Variants in METTL8 observed in about 807,000 individuals in gnomAD.
METTL8 encodes the protein tRNA N(3)-cytidine methyltransferase METTL8, mitochondrial.
METTL8 carries 32 observed loss-of-function variants against 48.7 expected under a neutral mutation model. The ratio of observed to expected loss-of-function variants is 0.66; its 90% CI spans 0.50 to 0.88. METTL8 has a LOEUF of 0.88. METTL8 is among the 40% of genes least tolerant of loss of function. The probability of loss-of-function intolerance (pLI) is 0.00; values close to 1 mark genes in which losing one functional copy is unlikely to be tolerated. For synonymous variants in METTL8, 136 were observed against 157.1 expected, an observed-to-expected ratio of 0.87 and a Z score of 1.01; for missense variants, 464 against 474.4, an observed-to-expected ratio of 0.98 and a Z score of 0.20.
At chr2:171,380,669 T>C (rs1442263099) in intron 2 of METTL8, among the ~76,000 whole-genome samples, 2 of 151,828 alleles carry the variant, frequency 1.3e-5, no homozygotes, top group East Asian at 1.9e-4. Flanking sequence ...GAAAATAAAA[T>C]ACATAGGAAT....
At position 171,317,669 on chromosome 2, in the gene METTL8, G is replaced by A. The variant is rs550120599; in HGVS notation, c.*6503C>T. The A allele has an allele frequency of 6.6e-6, 1 of 152,324 alleles. No homozygotes were observed. The highest frequency in any genetic ancestry group is 2.1e-4 in the South Asian group (1 of 4,830). 9.4% of individuals were successfully genotyped at this position (152,324 alleles called of 1,614,324 possible). Reference sequence around the variant, plus strand: ...CTAGCTGTTCCTTACTTAAGGTTAAGTGGTTGTGAAACCACAGACACTGTA... The same window carrying A: ...CTAGCTGTTCCTTACTTAAGGTTAAATGGTTGTGAAACCACAGACACTGTA... On this transcript the variant is annotated 3_prime_UTR_variant, in exon 10 of 10. Transcript: ENST00000375258.
chr2:171,366,880 C>A (rs1353378065), intron 2 of METTL8, among the ~76,000 whole-genome samples: 1 of 145,638 alleles, frequency 6.9e-6, no homozygotes, highest in African/African-American at 2.5e-5. Context: ...CAGAGTGAGA[C>A]CCTGTCTCAA....
At chr2:171,425,201 C>G (rs902441438) in intron 1 of METTL8, among the ~76,000 whole-genome samples, 5 of 152,320 alleles carry the variant, frequency 3.3e-5, no homozygotes, top group Non-Finnish European at 7.4e-5. Flanking sequence ...TTATAAATTA[C>G]CCAGTCTCAG....
At chr2:171,373,228 T>C (rs896534323) in intron 2 of METTL8, among the ~76,000 whole-genome samples, 12 of 152,380 alleles carry the variant, frequency 7.9e-5, no homozygotes, top group African/African-American at 2.6e-4. Context: ...ATTTCTCTGA[T>C]GGCCAGTGAT....
intron 1 of METTL8, among the ~76,000 whole-genome samples, chr2:171,404,890 G>A (rs1417120796): frequency 6.6e-6 from 1 of 152,098 alleles, no homozygotes; most frequent in Non-Finnish European, 1.5e-5. Flanking sequence ...GATCATGACA[G>A]CTAAAGAAAA....
At chr2:171,415,749 CATGAGT>C (rs1691253222) in intron 1 of METTL8, among the ~76,000 whole-genome samples, 1 of 152,126 alleles carries the variant, frequency 6.6e-6, no homozygotes, top group South Asian at 2.1e-4. Context: ...ATATAATACT[CATGAGT>C]AGAGGATCCA....
intron 1 of METTL8, 93 bp downstream of exon 1, chr2:171,433,790 G>A (rs2105700734): frequency 6.6e-6 from 1 of 152,520 alleles, no homozygotes; most frequent in South Asian, 2.1e-4. Flanking sequence ...GAAACTAAGA[G>A]TGAATGGGAA....
At chr2:171,413,989 CAGA>C (rs1691016642) in intron 1 of METTL8, among the ~76,000 whole-genome samples, 1 of 151,914 alleles carries the variant, frequency 6.6e-6, no homozygotes, top group Non-Finnish European at 1.5e-5. Flanking sequence ...TGGATATAAT[CAGA>C]AGAATATATT....
chr2:171,422,726 T>C (rs1251124825), intron 1 of METTL8, among the ~76,000 whole-genome samples: 2 of 152,224 alleles, frequency 1.3e-5, no homozygotes, highest in Non-Finnish European at 2.9e-5. Context: ...CTCAACTGTA[T>C]TTATAATATG....
intron 1 of METTL8, among the ~76,000 whole-genome samples, chr2:171,429,819 C>T (rs1024485430): frequency 2.6e-5 from 4 of 152,154 alleles, no homozygotes; most frequent in Admixed American, 2.6e-4. Context: ...GCAGGCAGAT[C>T]ACCTGAGGTC....
At position 171,392,083 on chromosome 2, in the gene METTL8, T is replaced by A. The variant is rs763792693; in HGVS notation, c.103A>T (p.Ile35Phe). 4.5e-6 allele frequency: 7 copies of A among 1,551,694 alleles called. No homozygotes were observed. The South Asian group carries it at 8.3e-5, about 18-fold the overall frequency. ...YHPVAPLGSRILTDPAKVFEH... is the reference protein window; with the variant it reads ...YHPVAPLGSRFLTDPAKVFEH... ...AAAACTTTGGCTGGGTCAGTTAAAA[T>A]CCTTGATCCCAGAGGGGCCACTGGG... Residue 35 changes from isoleucine (I) to phenylalanine (F), a missense_variant, in exon 2 of 10, where the codon ATT (isoleucine) becomes TTT (phenylalanine). Physicochemically the swap from Ile to Phe is conservative, Grantham distance 21 (BLOSUM62 0). Coordinates refer to ENST00000375258, the MANE Select transcript of METTL8 (RefSeq NM_001321154.2).
At chr2:171,325,604 T>C (rs771480319) in intron 9 of METTL8, among the ~76,000 whole-genome samples, 2 of 151,428 alleles carry the variant, frequency 1.3e-5, no homozygotes, top group Non-Finnish European at 2.9e-5. Context: ...TTCACCTTCA[T>C]CTGGGTATGA....
intron 1 of METTL8, among the ~76,000 whole-genome samples, chr2:171,396,451 T>C (rs1157922901): frequency 6.6e-6 from 1 of 152,182 alleles, no homozygotes; most frequent in Non-Finnish European, 1.5e-5. Context: ...CTGATATTAA[T>C]ACAGCCCTAC....
intron 1 of METTL8, among the ~76,000 whole-genome samples, chr2:171,410,517 G>C (rs186877767): frequency 9.3e-4 from 142 of 152,280 alleles, no homozygotes; most frequent in Non-Finnish European, 1.7e-3. Context: ...AGGTACTAAT[G>C]TTGTTTAGCT....
chr2:171,352,108 CTCT>C (rs1258084429), intron 3 of METTL8, among the ~76,000 whole-genome samples: 1 of 152,112 alleles, frequency 6.6e-6, no homozygotes, highest in East Asian at 1.9e-4. Flanking sequence ...TCATAAATAG[CTCT>C]TATTATTTTG....
intron 2 of METTL8, among the ~76,000 whole-genome samples, chr2:171,370,266 C>T (rs1171364794): frequency 1.3e-5 from 2 of 152,032 alleles, no homozygotes; most frequent in Non-Finnish European, 2.9e-5. Context: ...CCAAACATTA[C>T]TTTATTGTTT....
chr2:171,387,020 A>G (rs369439450), intron 2 of METTL8, among the ~76,000 whole-genome samples: 1 of 152,076 alleles, frequency 6.6e-6, no homozygotes, highest in East Asian at 1.9e-4. Context: ...TGACTCCCCA[A>G]TCTGCTGAGA....
chr2:171,356,811 A>T (rs995210454), intron 3 of METTL8, among the ~76,000 whole-genome samples: 3 of 152,138 alleles, frequency 2.0e-5, no homozygotes, highest in African/African-American at 7.2e-5. Context: ...ATCCATCTGG[A>T]ACAGGCAAGG....
chr2:171,358,793 C>G (rs966345376), intron 3 of METTL8, among the ~76,000 whole-genome samples: 1 of 152,048 alleles, frequency 6.6e-6, no homozygotes, highest in African/African-American at 2.4e-5. Flanking sequence ...TTCAAAAGCA[C>G]AAGCAACCAA....
Sources: allele counts gnomAD v4.1 joint callset (sites outside exome capture counted in the v4.1 genomes callset), GRCh38; gene constraint gnomAD v4.1.1; transcripts MANE v1.5; gene names NCBI Gene and HGNC (gene_info 2026-07-23, HGNC 2026-07-21).